Variants in AFF2 observed in about 807,000 individuals in gnomAD.
AFF2 encodes AF4/FMR2 family member 2.
Under a neutral mutation model 76.9 loss-of-function variants are expected in AFF2, and 14 were observed. That is an observed-to-expected ratio of 0.18 (90% confidence interval 0.12 to 0.28). The LOEUF (loss-of-function observed/expected upper bound fraction) is 0.28. AFF2 is among the 10% of genes least tolerant of loss of function. AFF2 has a pLI of 1.00. For missense variants in AFF2, 868 were observed against 1,001.1 expected, an observed-to-expected ratio of 0.87 and a Z score of 1.79; for synonymous variants, 398 against 366.7, an observed-to-expected ratio of 1.09 and a Z score of -0.98.
intron 3 of AFF2, among the ~76,000 whole-genome samples, chrX:148,726,198 C>T (rs2055152736): frequency 8.9e-6 from 1 of 112,290 alleles, no homozygotes; most frequent in East Asian, 2.8e-4. Context: ...GCACAGCAAG[C>T]TCTCACCATA....
At chrX:148,962,672 G>A in intron 12 of AFF2, 43 bp from the exon 13 acceptor site, 1 of 1,081,030 alleles carries the variant, frequency 9.3e-7, no homozygotes, top group Non-Finnish European at 1.3e-6. Context: ...AGAATAAAGA[G>A]AGAGAAGACT....
intron 3 of AFF2, among the ~76,000 whole-genome samples, chrX:148,773,651 GAGGAAGGAAGGAAGGAAAGA>G: frequency 1.1e-5 from 1 of 91,037 alleles, no homozygotes; most frequent in African/African-American, 4.1e-5. Flanking sequence ...AGGAGGGAGG[GAGGAAGGAAGGAAGGAAAGA>G]AGGAAGGAAG....
intron 1 of AFF2, among the ~76,000 whole-genome samples, chrX:148,578,982 G>T (rs1317935189): frequency 9.0e-6 from 1 of 111,299 alleles, no homozygotes; most frequent in Admixed American, 9.6e-5. Flanking sequence ...TAGAAAGGAT[G>T]CCTTTTCCCA....
chrX:148,799,111 A>T (rs191885906), intron 3 of AFF2, among the ~76,000 whole-genome samples: 56 of 111,980 alleles, frequency 5.0e-4, no homozygotes, highest in African/African-American at 1.7e-3. Flanking sequence ...GCCAACAAGA[A>T]GTGTAACAAA....
chrX:148,900,212 G>A (rs1458584978), intron 8 of AFF2, among the ~76,000 whole-genome samples: 2 of 110,953 alleles, frequency 1.8e-5, no homozygotes, highest in African/African-American at 6.6e-5. Context: ...CCACGTGGAT[G>A]GGACTCAAGA....
chrX:148,732,839 C>T, intron 3 of AFF2, among the ~76,000 whole-genome samples: 1 of 110,747 alleles, frequency 9.0e-6, no homozygotes, highest in East Asian at 2.9e-4. Context: ...GAGCAAAAGG[C>T]CCATAATTGT....
intron 19 of AFF2, among the ~76,000 whole-genome samples, chrX:148,981,086 A>T (rs1410976842): frequency 8.9e-6 from 1 of 112,340 alleles, no homozygotes; most frequent in Non-Finnish European, 1.9e-5. Flanking sequence ...ACTCCACTGC[A>T]GTGATTTTTC....
chrX:148,585,667 C>G (rs1369821026), intron 1 of AFF2, among the ~76,000 whole-genome samples: 3 of 107,770 alleles, frequency 2.8e-5, no homozygotes. Context: ...GTGAAACCCC[C>G]TCTCTACTAA....
At chrX:148,899,852 A>C (rs2071335301) in intron 8 of AFF2, among the ~76,000 whole-genome samples, 1 of 111,005 alleles carries the variant, frequency 9.0e-6, no homozygotes, top group African/African-American at 3.3e-5. Context: ...ATATTGCATT[A>C]GATTTGTTTT....
chrX:148,516,934 T>C (rs2052542011), intron 1 of AFF2, among the ~76,000 whole-genome samples: 1 of 112,127 alleles, frequency 8.9e-6, no homozygotes, highest in African/African-American at 3.2e-5. Flanking sequence ...TACTACATCA[T>C]TGAATAGCTA....
chrX:148,519,183 C>T (rs1557234212), intron 1 of AFF2, among the ~76,000 whole-genome samples: 1 of 111,540 alleles, frequency 9.0e-6, no homozygotes, highest in Non-Finnish European at 1.9e-5. Flanking sequence ...GCATTTCTGA[C>T]GTAGTGCAGG....
At chrX:148,913,295 G>A (rs2124237401) in intron 9 of AFF2, among the ~76,000 whole-genome samples, 1 of 112,349 alleles carries the variant, frequency 8.9e-6, no homozygotes, top group East Asian at 2.8e-4. Flanking sequence ...GCCTAGAAAT[G>A]TGTTATTGGT....
chrX:148,528,993 ATCT>A (rs1456050377), intron 1 of AFF2, among the ~76,000 whole-genome samples: 1 of 112,217 alleles, frequency 8.9e-6, no homozygotes, highest in Non-Finnish European at 1.9e-5. Context: ...CTTAAGAAAC[ATCT>A]TCTGTTTTCC....
intron 9 of AFF2, among the ~76,000 whole-genome samples, chrX:148,935,879 T>TC (rs1557284973): frequency 9.1e-6 from 1 of 109,473 alleles, no homozygotes; most frequent in Admixed American, 9.8e-5. Flanking sequence ...TAGGTTTTTT[T>TC]TTTTTTGTAA....
At chrX:148,975,943 CAAAAAAA>C (rs59057839) in intron 16 of AFF2, among the ~76,000 whole-genome samples, 6 of 22,719 alleles carry the variant, frequency 2.6e-4, no homozygotes, top group Admixed American at 1.1e-3. Context: ...GACTCCGTCT[CAAAAAAA>C]AAAAAAAAAA....
chrX:148,523,117 G>A (rs1369152389), intron 1 of AFF2, among the ~76,000 whole-genome samples: 2 of 112,295 alleles, frequency 1.8e-5, no homozygotes, highest in African/African-American at 6.5e-5. Flanking sequence ...TAAGAGGAAA[G>A]TGAGATATTT....
At chrX:148,670,469 G>A (rs1557258959) in intron 3 of AFF2, among the ~76,000 whole-genome samples, 2 of 111,860 alleles carry the variant, frequency 1.8e-5, no homozygotes, top group African/African-American at 3.3e-5. Context: ...ACAGAAAGGG[G>A]AAGTGAGTAA....
At chrX:148,799,245 A>G (rs1362679134) in intron 3 of AFF2, among the ~76,000 whole-genome samples, 3 of 112,063 alleles carry the variant, frequency 2.7e-5, no homozygotes, top group Admixed American at 9.5e-5. Context: ...TAACAAAGCC[A>G]GGTCACTTAA....
intron 3 of AFF2, among the ~76,000 whole-genome samples, chrX:148,743,002 G>A (rs1557265809): frequency 9.0e-6 from 1 of 111,499 alleles, no homozygotes; most frequent in Non-Finnish European, 1.9e-5. Flanking sequence ...TGTGTTTCTT[G>A]ACAGAGGTAA....
Sources: gnomAD v4.1 joint callset for allele counts (sites outside exome capture counted in the v4.1 genomes callset) on GRCh38, gnomAD v4.1.1 for gene constraint, MANE v1.5 for transcripts, NCBI Gene and HGNC (gene_info 2026-07-23, HGNC 2026-07-21) for gene names.